The following UGT1A6 variants were observed in gnomAD, a reference collection of about 807,000 sequenced individuals.
UGT1A6 encodes the protein UDP-glucuronosyltransferase 1A6.
In UGT1A6, 32 loss-of-function variants were observed where a neutral mutation model predicts 44.4. The observed-to-expected ratio is 0.72, with a 90% CI of 0.54 to 0.97. The LOEUF is 0.97. Ranked by LOEUF, UGT1A6 falls within the 50% of genes least tolerant of loss-of-function variation. UGT1A6 has a pLI of 0.00. For missense variants in UGT1A6, 685 were observed against 661.9 expected, an observed-to-expected ratio of 1.03 and a Z score of -0.38; for synonymous variants, 238 against 248.5, an observed-to-expected ratio of 0.96 and a Z score of 0.40.
intron 1 of UGT1A6, among the ~76,000 whole-genome samples, chr2:233,702,063 A>T (rs2125588701): frequency 6.6e-6 from 1 of 152,360 alleles, no homozygotes; most frequent in South Asian, 2.1e-4. Context: ...CACTAATTTT[A>T]ATGGTTTTTG....
chr2:233,709,869 A>G (rs367805568), intron 1 of UGT1A6, among the ~76,000 whole-genome samples: 2 of 152,200 alleles, frequency 1.3e-5, no homozygotes, highest in African/African-American at 4.8e-5. Flanking sequence ...GCACTCCATT[A>G]CCCAGTAACT....
intron 1 of UGT1A6, among the ~76,000 whole-genome samples, chr2:233,727,533 G>A (rs532187681): frequency 2.6e-5 from 4 of 152,154 alleles, no homozygotes; most frequent in East Asian, 1.9e-4. Context: ...ACTACCAGGC[G>A]TGTTCCACCC....
At chr2:233,727,757 G>T (rs561921755) in intron 1 of UGT1A6, among the ~76,000 whole-genome samples, 3 of 152,264 alleles carry the variant, frequency 2.0e-5, no homozygotes. Flanking sequence ...TGCTGCCCTT[G>T]AGCTGGGTGT....
intron 1 of UGT1A6, chr2:233,761,084 G>A: frequency 6.2e-7 from 1 of 1,614,126 alleles, no homozygotes; most frequent in Non-Finnish European, 8.5e-7. Context: ...GATTACCCTA[G>A]GCCCATCATG....
At chr2:233,751,021 C>A (rs74787288) in intron 1 of UGT1A6, among the ~76,000 whole-genome samples, 1 of 151,772 alleles carries the variant, frequency 6.6e-6, no homozygotes, top group East Asian at 1.9e-4. Flanking sequence ...AATAGTAGAT[C>A]CAATAGCTTG....
intron 1 of UGT1A6, among the ~76,000 whole-genome samples, chr2:233,719,849 T>C (rs1418135949): frequency 6.6e-6 from 1 of 152,222 alleles, no homozygotes; most frequent in Non-Finnish European, 1.5e-5. Context: ...ATTTCAAGTT[T>C]TCAGTGGTCA....
intron 1 of UGT1A6, among the ~76,000 whole-genome samples, chr2:233,726,402 T>A (rs1404707610): frequency 6.6e-6 from 1 of 152,206 alleles, no homozygotes; most frequent in Non-Finnish European, 1.5e-5. Flanking sequence ...AGTCTTTTGA[T>A]GTCAGCATTC....
At chr2:233,734,127 G>A (rs549754021) in intron 1 of UGT1A6, among the ~76,000 whole-genome samples, 274 of 151,640 alleles carry the variant, frequency 1.8e-3, no homozygotes, top group Non-Finnish European at 3.0e-3. Context: ...ATAATAAAAA[G>A]AATTTGGCTG....
chr2:233,704,140 C>T (rs1322869617), intron 1 of UGT1A6, among the ~76,000 whole-genome samples: 3 of 152,114 alleles, frequency 2.0e-5, no homozygotes, highest in Non-Finnish European at 4.4e-5. Flanking sequence ...ATCCACCCGC[C>T]TCAGCCTTTC....
rs377333605 is a variant in UGT1A6 at position 233,713,764 on chromosome 2, G to A, written c.861+19899G>A. 2.4e-5 allele frequency: 38 copies of A among 1,613,838 alleles called. No homozygotes were observed. Among genetic ancestry groups the A allele is most frequent in the Middle Eastern group, 3.3e-4 (2 of 6,074 alleles). On this transcript the variant is annotated intron_variant, in intron 1 of 4. Coordinates refer to ENST00000305139, the MANE Select transcript of UGT1A6 (RefSeq NM_001072.4). ...AGCCATGCATCTGTGTGGCTGTTCC[G>A]AGGGGACTTTGTGATGGATTACCCC...
intron 1 of UGT1A6, among the ~76,000 whole-genome samples, chr2:233,696,227 A>T (rs2075332487): frequency 1.3e-5 from 2 of 152,270 alleles, no homozygotes; most frequent in South Asian, 4.1e-4. Context: ...CACAGTAGCC[A>T]AAATATGGAA....
rs1228021328 is a variant in UGT1A6, at chr2:233,772,590, A to G, written c.*31A>G. The G allele has an allele frequency of 2.5e-6, 4 of 1,602,300 alleles. No homozygotes were observed. Among genetic ancestry groups the G allele is most frequent in the Non-Finnish European group, 2.6e-6 (3 of 1,173,678 alleles). ...GGGTGGGAAATAAGGTAAAATTTTG[A>G]ACCATTCCCTAGTCATTTCCAAACT... is the stretch of plus-strand genomic sequence containing the variant. On this transcript the variant is annotated 3_prime_UTR_variant, in exon 5 of 5. Transcript: ENST00000305139.
chr2:233,751,035 T>C (rs1231285641), intron 1 of UGT1A6, among the ~76,000 whole-genome samples: 3 of 151,854 alleles, frequency 2.0e-5, no homozygotes, highest in African/African-American at 7.3e-5. Context: ...TAGCTTGCAC[T>C]GTGTGCCTGG....
chr2:233,708,741 AC>A (rs1376464214), intron 1 of UGT1A6: 6 of 151,844 alleles, frequency 4.0e-5, no homozygotes, highest in African/African-American at 1.2e-4. Flanking sequence ...ACAGAGCAAG[AC>A]CCTGACCAAC....
chr2:233,767,319 T>G (rs928023163), intron 2 of UGT1A6, among the ~76,000 whole-genome samples, 154 bp downstream of exon 2: 1 of 152,210 alleles, frequency 6.6e-6, no homozygotes, highest in African/African-American at 2.4e-5. Flanking sequence ...TTTTTGTTGT[T>G]GTGGTTGTTG....
At chr2:233,720,704 CTT>C (rs796417980) in intron 1 of UGT1A6, among the ~76,000 whole-genome samples, 9 of 139,144 alleles carry the variant, frequency 6.5e-5, no homozygotes, top group Non-Finnish European at 6.3e-5. Context: ...GGGAGCCATC[CTT>C]TTTTTTTTTT....
chr2:233,719,182 C>T, intron 1 of UGT1A6: 1 of 1,614,216 alleles, frequency 6.2e-7, no homozygotes, highest in South Asian at 1.1e-5. Context: ...AACAATGTAT[C>T]TTTGGCCCTT....
chr2:233,760,213 G>A (rs1697347884), intron 1 of UGT1A6: 1 of 1,592,276 alleles, frequency 6.3e-7, no homozygotes, highest in Non-Finnish European at 8.5e-7. Context: ...CATTAACTTG[G>A]TGTATCGATT....
intron 1 of UGT1A6, among the ~76,000 whole-genome samples, chr2:233,707,538 C>CTT (rs753963758): frequency 2.1e-4 from 27 of 126,992 alleles, no homozygotes; most frequent in African/African-American, 6.9e-4. Context: ...TTTGTCTTGC[C>CTT]TTTTTTTTTT....
Sources: gnomAD v4.1 joint callset for allele counts (sites outside exome capture counted in the v4.1 genomes callset) on GRCh38, gnomAD v4.1.1 for gene constraint, MANE v1.5 for transcripts, NCBI Gene and HGNC (gene_info 2026-07-23, HGNC 2026-07-21) for gene names.